The following CCDC32 variants were observed in gnomAD, a reference collection of about 807,000 sequenced individuals.
CCDC32 encodes coiled-coil domain containing 32.
In CCDC32, 9 loss-of-function variants were observed where a neutral mutation model predicts 20.1. That is an observed-to-expected ratio of 0.45 (90% CI 0.27 to 0.78). The LOEUF is 0.78. Among genes scored for constraint, CCDC32 ranks in the 30% least tolerant of loss-of-function variants. The pLI is 0.16. For synonymous variants in CCDC32, 63 were observed against 79.0 expected (o/e 0.80, Z 1.07); for missense variants, 204 against 215.5 (o/e 0.95, Z 0.33).
intron 2 of CCDC32, among the ~76,000 whole-genome samples, chr15:40,558,363 G>C (rs56195430): frequency 0.034 from 5,154 of 152,188 alleles, 280 homozygotes; most frequent in African/African-American, 0.11. Flanking sequence ...ACCTGCAGTT[G>C]ATAAATGTTA....
intron 3 of CCDC32, among the ~76,000 whole-genome samples, chr15:40,547,603 T>C (rs1889673845): frequency 6.6e-6 from 1 of 152,190 alleles, no homozygotes; most frequent in South Asian, 2.1e-4. Flanking sequence ...CCAGGAGCAA[T>C]GGGTCTTTGC....
chr15:40,557,983 G>A (rs1326555466), intron 2 of CCDC32: 1 of 152,204 alleles, frequency 6.6e-6, no homozygotes, highest in Non-Finnish European at 1.5e-5. Flanking sequence ...TGGCCTAGAT[G>A]TTGGAGTCTA....
At chr15:40,527,193 C>T (rs1332846688), downstream of CCDC32, among the ~76,000 whole-genome samples, 39 of 149,670 alleles carry the variant, frequency 2.6e-4, no homozygotes, top group African/African-American at 9.6e-4. Context: ...TTTTTTGTAA[C>T]ACTGTCTCAC....
downstream of CCDC32, among the ~76,000 whole-genome samples, chr15:40,548,807 T>C (rs1274623482): frequency 6.6e-6 from 1 of 152,158 alleles, no homozygotes; most frequent in African/African-American, 2.4e-5. Flanking sequence ...TTATTTATGC[T>C]GTACTCTATT....
rs1890738001 is a variant in CCDC32, at chr15:40,562,815, A to C, written c.201T>G (p.Pro67=). The change falls in exon 2 of 4, where the codon CCT becomes CCG. Residue 67 remains proline (P), a synonymous_variant. Coordinates refer to ENST00000416810, the MANE Select transcript of CCDC32 (RefSeq NM_001080792.4). ...CTTCTGAATCCTGCAAGGGAGCCCA[A>C]GGCTTTACAGCTGGCTGGACAGCAA... The part of the protein sequence containing the change: ...ADFAVQPAVK[P]WAPLQDSEVY... The C allele has an allele frequency of 6.2e-7, 1 of 1,614,108 alleles. No homozygotes were observed. Among genetic ancestry groups the C allele is most frequent in the Admixed American group, 1.7e-5 (1 of 60,008 alleles).
chr15:40,545,352 A>G (rs1386581746), intron 3 of CCDC32, among the ~76,000 whole-genome samples: 2 of 152,152 alleles, frequency 1.3e-5, no homozygotes, highest in Non-Finnish European at 2.9e-5. Context: ...ACACACACAC[A>G]CACAATCCCT....
At chr15:40,552,770 TCA>T (rs1491252834), downstream of CCDC32, 17 of 3,102 alleles carry the variant, frequency 5.5e-3, no homozygotes, top group Admixed American at 9.3e-3. Flanking sequence ...AAGTGCGACC[TCA>T]AAAAAAAAAA....
intron 1 of CCDC32, 54 bp from the exon 2 acceptor site, chr15:40,563,081 G>C: frequency 6.4e-7 from 1 of 1,565,852 alleles, no homozygotes; most frequent in Non-Finnish European, 8.6e-7. Flanking sequence ...TACAGCATAA[G>C]GTTGAGCACA....
downstream of CCDC32, among the ~76,000 whole-genome samples, chr15:40,550,753 C>G (rs1203620268): frequency 6.6e-6 from 1 of 152,206 alleles, no homozygotes; most frequent in Non-Finnish European, 1.5e-5. Flanking sequence ...TCCTCTCACA[C>G]CGCACCCAGG....
At chr15:40,562,065 T>C (rs947457244) in intron 2 of CCDC32, 1 of 109,030 alleles carries the variant, frequency 9.2e-6, no homozygotes, top group Admixed American at 1.0e-4. Flanking sequence ...ACAATCAATC[T>C]ATTTATGTAA....
rs141223213 is a variant in CCDC32, at chr15:40,542,378, T to C, written c.402-3023A>G. Among the ~76,000 whole-genome samples the C allele has an allele frequency of 5.9e-5, 9 of 152,320 alleles. No individual in the cohort carries two copies. In the East Asian group the frequency reaches 1.7e-3, roughly 29 times the overall value. ...CTCTTTTCTATGGAAAACAATCTTA[T>C]TGTCTTGTCCTGTCTTCAAATAACT... is the stretch of plus-strand genomic sequence containing the variant. On this transcript the variant is annotated intron_variant, in intron 3 of 3. Transcript: ENST00000558113.
At chr15:40,542,986 T>C (rs765384794) in intron 3 of CCDC32, among the ~76,000 whole-genome samples, 1 of 33,128 alleles carries the variant, frequency 3.0e-5, no homozygotes. Context: ...ACTGAGACTT[T>C]TCTTAAAAAA....
At chr15:40,528,491 GC>G (rs1305888164), downstream of CCDC32, among the ~76,000 whole-genome samples, 4 of 152,178 alleles carry the variant, frequency 2.6e-5, no homozygotes, top group Non-Finnish European at 5.9e-5. Flanking sequence ...GAAATTCTTT[GC>G]CATGGGATGC....
At chr15:40,532,864 G>T (rs1888943542), downstream of CCDC32, among the ~76,000 whole-genome samples, 1 of 151,508 alleles carries the variant, frequency 6.6e-6, no homozygotes, top group African/African-American at 2.4e-5. Flanking sequence ...ACCAGACCTG[G>T]CTAATTTTTT....
downstream of CCDC32, among the ~76,000 whole-genome samples, chr15:40,525,323 C>T (rs569117341): frequency 4.6e-5 from 7 of 151,998 alleles, no homozygotes; most frequent in South Asian, 2.1e-4. Context: ...CCACTGCGCC[C>T]GGCCAATTTT....
At chr15:40,540,012 T>C (rs1441585252) in intron 3 of CCDC32, among the ~76,000 whole-genome samples, 1 of 152,164 alleles carries the variant, frequency 6.6e-6, no homozygotes, top group Admixed American at 6.5e-5. Flanking sequence ...CGGCAAAATC[T>C]AGGGAATAAG....
At chr15:40,522,198 A>G in the CCDC32 span, among the ~76,000 whole-genome samples, 1 of 152,210 alleles carries the variant, frequency 6.6e-6, no homozygotes, top group Non-Finnish European at 1.5e-5. Context: ...TCCCAACACC[A>G]TTTGTTAAAA....
At chr15:40,543,604 G>A (rs1595886900) in intron 3 of CCDC32, among the ~76,000 whole-genome samples, 1 of 152,090 alleles carries the variant, frequency 6.6e-6, no homozygotes, top group African/African-American at 2.4e-5. Flanking sequence ...ACAGGCGCAC[G>A]CCACCGTGCC....
At chr15:40,539,840 C>CCACCCACACACACACA (rs1889302730) in intron 3 of CCDC32, among the ~76,000 whole-genome samples, 1 of 134,542 alleles carries the variant, frequency 7.4e-6, no homozygotes, top group Non-Finnish European at 1.6e-5. Context: ...CAAACTGTTG[C>CCACCCACACACACACA]CACACACACA....
Sources: allele counts gnomAD v4.1 joint callset (sites outside exome capture counted in the v4.1 genomes callset), GRCh38; gene constraint gnomAD v4.1.1; transcripts MANE v1.5; gene names NCBI Gene and HGNC (gene_info 2026-07-23, HGNC 2026-07-21).